The following NRXN1 variants were observed in gnomAD, a reference collection of about 807,000 sequenced individuals.
NRXN1 encodes neurexin 1.
Under a neutral mutation model 150.9 loss-of-function variants are expected in NRXN1, and 39 were observed. The observed-to-expected ratio is 0.26, with a 90% CI of 0.20 to 0.34. NRXN1 has a LOEUF of 0.34. Ranked by LOEUF, NRXN1 falls within the 10% of genes least tolerant of loss-of-function variation. The pLI is 1.00. For synonymous variants in NRXN1, 924 were observed against 757.0 expected (o/e 1.22, Z -3.62); for missense variants, 1,815 against 1,949.9 (o/e 0.93, Z 1.30).
intron 2 of NRXN1, among the ~76,000 whole-genome samples, chr2:50,976,459 T>C (rs888736612): frequency 6.6e-6 from 1 of 152,010 alleles, no homozygotes; most frequent in African/African-American, 2.4e-5. Flanking sequence ...GAAGAGAATA[T>C]GTTATCCTTC....
At chr2:50,502,610 T>C (rs2092007573) in intron 13 of NRXN1, among the ~76,000 whole-genome samples, 1 of 152,092 alleles carries the variant, frequency 6.6e-6, no homozygotes, top group African/African-American at 2.4e-5. Context: ...AGCAAATCAA[T>C]AAATGACATT....
chr2:50,785,245 T>G (rs1704926162), intron 5 of NRXN1, among the ~76,000 whole-genome samples: 1 of 125,178 alleles, frequency 8.0e-6, no homozygotes, highest in Non-Finnish European at 1.7e-5. Context: ...AAAATACACT[T>G]TTTTTTTTTT....
At chr2:50,259,301 C>G (rs1035147628) in intron 17 of NRXN1, among the ~76,000 whole-genome samples, 1 of 151,868 alleles carries the variant, frequency 6.6e-6, no homozygotes, top group Non-Finnish European at 1.5e-5. Context: ...CTTGCTGCAG[C>G]TTCTACATCA....
rs140875290 is a variant in NRXN1 at position 50,566,191 on chromosome 2, C to G, written c.1321-13166G>C. Among the ~76,000 whole-genome samples, 334 of 152,232 alleles carry G rather than the reference C, an allele frequency of 2.2e-3. 1 individual carries two copies. Among genetic ancestry groups the G allele is most frequent in the African/African-American group, 7.4e-3 (307 of 41,538 alleles). On this transcript the variant is annotated intron_variant, in intron 8 of 22. Coordinates refer to ENST00000401669, the MANE Select transcript of NRXN1 (RefSeq NM_001330078.2). The stretch of plus-strand genomic sequence containing the variant: ...TAGACAGTTCATTAGAGTTGGCCAG[C>G]TACATCCACTTTGCCCCTAATTGCC...
At chr2:50,888,963 G>A (rs1249396773) in intron 5 of NRXN1, among the ~76,000 whole-genome samples, 2 of 151,482 alleles carry the variant, frequency 1.3e-5, no homozygotes, top group Admixed American at 1.3e-4. Context: ...TTGTTGTTTG[G>A]AAATATCAGA....
At chr2:50,462,939 A>G (rs1388283345) in intron 17 of NRXN1, among the ~76,000 whole-genome samples, 1 of 151,818 alleles carries the variant, frequency 6.6e-6, no homozygotes, top group Non-Finnish European at 1.5e-5. Flanking sequence ...CTCATTTGTA[A>G]TGTGGCATGT....
At chr2:50,757,584 T>C (rs1190572455) in intron 5 of NRXN1, among the ~76,000 whole-genome samples, 1 of 151,772 alleles carries the variant, frequency 6.6e-6, no homozygotes, top group African/African-American at 2.4e-5. Context: ...TCATCACACA[T>C]GCAGTATCTC....
At chr2:50,125,071 A>T (rs1373525756) in intron 18 of NRXN1, among the ~76,000 whole-genome samples, 4 of 151,742 alleles carry the variant, frequency 2.6e-5, no homozygotes, top group African/African-American at 9.7e-5. Context: ...ACAGAAAATG[A>T]GTTCTGACTA....
intron 12 of NRXN1, among the ~76,000 whole-genome samples, chr2:50,519,572 G>T (rs575680427): frequency 2.5e-4 from 38 of 152,036 alleles, no homozygotes; most frequent in Middle Eastern, 3.4e-3. Flanking sequence ...CCTTGGAACT[G>T]GTCAAACCAC....
At position 50,681,352 on chromosome 2, in the gene NRXN1, C is replaced by A. The variant is rs145128648; in HGVS notation, c.833-57737G>T. ...GATCTTGATCTCTTTTAAGAAAAAA[C>A]CATTTGATCTAAATCTTCAAATAAA... On this transcript the variant is annotated intron_variant, in intron 5 of 22. Transcript: ENST00000401669. Among the ~76,000 whole-genome samples the A allele has an allele frequency of 3.2e-3, 489 of 152,258 alleles. 2 individuals carry two copies. Among genetic ancestry groups the A allele is most frequent in the African/African-American group, 0.011 (445 of 41,568 alleles).
chr2:50,454,748 T>C (rs186765831), intron 17 of NRXN1, among the ~76,000 whole-genome samples: 132 of 150,804 alleles, frequency 8.8e-4, no homozygotes, highest in African/African-American at 1.9e-3. Context: ...CAAATATTAC[T>C]GAGCATTTAA....
intron 22 of NRXN1, among the ~76,000 whole-genome samples, chr2:49,929,895 G>A (rs1669823859): frequency 6.6e-6 from 1 of 152,156 alleles, no homozygotes; most frequent in African/African-American, 2.4e-5. Context: ...ATACAAGAAG[G>A]AATCACACAG....
intron 22 of NRXN1, among the ~76,000 whole-genome samples, chr2:49,930,382 A>T (rs530631022): frequency 2.0e-5 from 3 of 152,092 alleles, no homozygotes; most frequent in South Asian, 2.1e-4. Flanking sequence ...TAAAATACAG[A>T]GTGTGTGTCA....
chr2:50,670,898 T>C (rs1310232626), intron 5 of NRXN1, among the ~76,000 whole-genome samples: 1 of 151,864 alleles, frequency 6.6e-6, no homozygotes, highest in African/African-American at 2.4e-5. Flanking sequence ...TTGGTGATCT[T>C]TGATCACTTG....
At chr2:50,259,162 T>C (rs563758879) in intron 17 of NRXN1, among the ~76,000 whole-genome samples, 2 of 152,084 alleles carry the variant, frequency 1.3e-5, no homozygotes, top group Admixed American at 1.3e-4. Flanking sequence ...TTTCTCCTTT[T>C]CAGCTGTGAA....
intron 18 of NRXN1, chr2:50,105,302 T>C (rs1440390595): frequency 2.0e-5 from 3 of 151,986 alleles, no homozygotes; most frequent in Admixed American, 1.3e-4. Flanking sequence ...GAAATATTAA[T>C]CTCCATTAGG....
intron 8 of NRXN1, among the ~76,000 whole-genome samples, chr2:50,585,385 G>A (rs1660697646): frequency 6.6e-6 from 1 of 152,060 alleles, no homozygotes; most frequent in South Asian, 2.1e-4. Context: ...AAGAATATGT[G>A]GTGTTGTTTA....
At chr2:50,174,907 T>C (rs898316615) in intron 18 of NRXN1, 3 of 152,196 alleles carry the variant, frequency 2.0e-5, no homozygotes, top group Non-Finnish European at 4.4e-5. Context: ...AACAGTAACA[T>C]GCTATACTTA....
intron 5 of NRXN1, among the ~76,000 whole-genome samples, chr2:50,830,887 A>G (rs1362169132): frequency 1.3e-5 from 2 of 151,974 alleles, no homozygotes; most frequent in Non-Finnish European, 2.9e-5. Context: ...ACACACATCC[A>G]CCAAAAGACA....
Sources: allele counts gnomAD v4.1 joint callset (sites outside exome capture counted in the v4.1 genomes callset), GRCh38; gene constraint gnomAD v4.1.1; transcripts MANE v1.5; gene names NCBI Gene and HGNC (gene_info 2026-07-23, HGNC 2026-07-21).